The following LRIG2 variants were observed in gnomAD, a reference collection of about 807,000 sequenced individuals.
The protein encoded by LRIG2 is leucine rich repeats and immunoglobulin like domains 2.
Under a neutral mutation model 107.8 loss-of-function variants are expected in LRIG2, and 93 were observed. The ratio of observed to expected loss-of-function variants is 0.86; its 90% CI spans 0.73 to 1.03. The LOEUF (loss-of-function observed/expected upper bound fraction) is 1.03. LRIG2 is among the 50% of genes least tolerant of loss of function. The probability of loss-of-function intolerance (pLI) is 0.00; values close to 1 mark genes in which losing one functional copy is unlikely to be tolerated. For synonymous variants in LRIG2, 471 were observed against 470.6 expected (o/e 1.00, Z -0.01); for missense variants, 1,226 against 1,296.0 (o/e 0.95, Z 0.83).
intron 1 of LRIG2, among the ~76,000 whole-genome samples, chr1:113,081,108 T>C (rs1029038058): frequency 4.6e-5 from 7 of 152,100 alleles, no homozygotes; most frequent in East Asian, 1.9e-4. Flanking sequence ...CCCAAAGTGC[T>C]GGGATTCCAC....
chr1:113,085,543 C>G (rs111310818), intron 1 of LRIG2, among the ~76,000 whole-genome samples: 2,443 of 152,302 alleles, frequency 0.016, 80 homozygotes, highest in African/African-American at 0.055. Context: ...CTTGGCTTCC[C>G]AAAGTGCTGG....
At chr1:113,111,582 T>A (rs141339267) in intron 13 of LRIG2, among the ~76,000 whole-genome samples, 1 of 152,292 alleles carries the variant, frequency 6.6e-6, no homozygotes, top group Non-Finnish European at 1.5e-5. Context: ...GTGTTTGGTT[T>A]TTCACTCCAC....
intron 11 of LRIG2, among the ~76,000 whole-genome samples, chr1:113,101,714 G>A (rs549730238): frequency 3.3e-5 from 5 of 152,318 alleles, no homozygotes; most frequent in Admixed American, 2.6e-4. Flanking sequence ...TTACAACTGT[G>A]TGATAATGGG....
intron 13 of LRIG2, 40 bp downstream of exon 13, chr1:113,110,602 G>C: frequency 7.1e-7 from 1 of 1,407,146 alleles, no homozygotes; most frequent in Non-Finnish European, 9.8e-7. Context: ...AGTTTAGAAG[G>C]ATTTTTCATG....
At chr1:113,123,469 G>C (rs559021900) in intron 17 of LRIG2, among the ~76,000 whole-genome samples, 1 of 152,306 alleles carries the variant, frequency 6.6e-6, no homozygotes, top group African/African-American at 2.4e-5. Context: ...AGCTACTTGG[G>C]AGGCTGACGC....
At chr1:113,107,392 T>C (rs941528046) in intron 11 of LRIG2, among the ~76,000 whole-genome samples, 2 of 152,162 alleles carry the variant, frequency 1.3e-5, no homozygotes, top group Non-Finnish European at 2.9e-5. Context: ...GCCACCCTTC[T>C]TCCCCTCTCT....
At chr1:113,123,727 T>TTTTTTTTTGTG (rs1437564600) in intron 17 of LRIG2, 148 bp from the exon 18 acceptor site, 6 of 597,096 alleles carry the variant, frequency 1.0e-5, no homozygotes, top group African/African-American at 9.8e-5. Flanking sequence ...GTGGTGGTTT[T>TTTTTTTTTGTG]TGTGTGTGTG....
At position 113,073,414 on chromosome 1, in the gene LRIG2, CGGCGCCCCTA is replaced by C. The variant is rs770275290; in HGVS notation, c.13_22del (p.Pro5SerfsTer95). ...TCCAGGTCGAGGGGGAAAATGGCGC[CGGCGCCCCTA>C]GGCGTCCCGGAGGAGCAGTTGCTGG... On this transcript the variant is annotated frameshift_variant, in exon 1 of 18. Transcript: ENST00000361127. LOFTEE classifies it high-confidence loss of function. The C allele has an allele frequency of 2.9e-5, 47 of 1,613,368 alleles. No individual in the cohort carries two copies. Among genetic ancestry groups the C allele is most frequent in the Non-Finnish European group, 3.9e-5 (46 of 1,179,622 alleles).
intron 12 of LRIG2, among the ~76,000 whole-genome samples, chr1:113,108,326 C>T (rs1289350118): frequency 2.0e-5 from 3 of 150,650 alleles, no homozygotes; most frequent in South Asian, 4.2e-4. Flanking sequence ...CGGGTTCAAG[C>T]GATTCTCCTG....
At chr1:113,106,241 G>C (rs1186958664) in intron 11 of LRIG2, among the ~76,000 whole-genome samples, 1 of 150,860 alleles carries the variant, frequency 6.6e-6, no homozygotes, top group African/African-American at 2.4e-5. Flanking sequence ...AAAAAAAAAA[G>C]AGTTAAAATT....
At chr1:113,088,006 T>G (rs1653634835) in intron 1 of LRIG2, among the ~76,000 whole-genome samples, 1 of 152,252 alleles carries the variant, frequency 6.6e-6, no homozygotes, top group Non-Finnish European at 1.5e-5. Flanking sequence ...TATGCATGAC[T>G]GATCAGATCA....
intron 2 of LRIG2, among the ~76,000 whole-genome samples, chr1:113,091,659 G>A (rs1653831414): frequency 6.6e-6 from 1 of 152,284 alleles, no homozygotes; most frequent in South Asian, 2.1e-4. Context: ...GAGTAAATGT[G>A]TTTTGATTTT....
chr1:113,073,868 C>T (rs888441227), intron 1 of LRIG2, among the ~76,000 whole-genome samples: 1 of 151,586 alleles, frequency 6.6e-6, no homozygotes, highest in African/African-American at 2.4e-5. Context: ...GGTTAAGATT[C>T]TTGGGGCCAA....
intron 1 of LRIG2, among the ~76,000 whole-genome samples, chr1:113,075,692 C>CTTTTT (rs34293194): frequency 1.7e-5 from 2 of 117,728 alleles, no homozygotes; most frequent in African/African-American, 3.3e-5. Flanking sequence ...GTGGCCTATA[C>CTTTTT]TTTTTTTTTT....
chr1:113,122,666 T>C (rs1341761953), intron 17 of LRIG2, among the ~76,000 whole-genome samples: 3 of 152,172 alleles, frequency 2.0e-5, no homozygotes, highest in Non-Finnish European at 4.4e-5. Context: ...CTTCGGCCCA[T>C]TGGCGATTTT....
intron 15 of LRIG2, among the ~76,000 whole-genome samples, 177 bp downstream of exon 15, chr1:113,115,053 G>C (rs1654945930): frequency 6.6e-6 from 1 of 152,104 alleles, no homozygotes; most frequent in Non-Finnish European, 1.5e-5. Flanking sequence ...AGGCCCACCT[G>C]GGCAACATAG....
chr1:113,080,007 C>T (rs1291533492), intron 1 of LRIG2, among the ~76,000 whole-genome samples: 2 of 141,848 alleles, frequency 1.4e-5, no homozygotes, highest in South Asian at 2.3e-4. Flanking sequence ...GGAGCCACTG[C>T]GCCTGGCCCG....
chr1:113,118,811 C>T (rs1451514879), intron 16 of LRIG2, among the ~76,000 whole-genome samples: 1 of 152,132 alleles, frequency 6.6e-6, no homozygotes, highest in African/African-American at 2.4e-5. Flanking sequence ...ACTACCGGTG[C>T]ACGCCACCAC....
chr1:113,118,528 A>G (rs1570773457), intron 16 of LRIG2, among the ~76,000 whole-genome samples: 1 of 152,220 alleles, frequency 6.6e-6, no homozygotes, highest in Admixed American at 6.5e-5. Flanking sequence ...GTAGCACAGT[A>G]CCAGCCTTAT....
Sources: allele counts gnomAD v4.1 joint callset (sites outside exome capture counted in the v4.1 genomes callset), GRCh38; gene constraint gnomAD v4.1.1; transcripts MANE v1.5; gene names NCBI Gene and HGNC (gene_info 2026-07-23, HGNC 2026-07-21).